Variants in PPHLN1 observed in about 807,000 individuals in gnomAD.
PPHLN1 encodes the protein periphilin-1.
A neutral mutation model predicts 51.3 loss-of-function variants in PPHLN1; 29 were observed. That is an observed-to-expected ratio of 0.57 (90% confidence interval 0.42 to 0.77). The LOEUF (loss-of-function observed/expected upper bound fraction) is 0.77, where lower values mean the gene tolerates loss of function less well. Among genes scored for constraint, PPHLN1 ranks in the 30% least tolerant of loss-of-function variants. The pLI is 0.00. For missense variants in PPHLN1, 436 were observed against 438.4 expected, an observed-to-expected ratio of 0.99 and a Z score of 0.05; for synonymous variants, 147 against 147.8, an observed-to-expected ratio of 0.99 and a Z score of 0.04.
chr12:42,437,630 G>A (rs1163083028), intron 9 of PPHLN1, among the ~76,000 whole-genome samples: 1 of 152,062 alleles, frequency 6.6e-6, no homozygotes, highest in African/African-American at 2.4e-5. Context: ...TTAACATTTT[G>A]CATTACTGTG....
At chr12:42,332,434 C>G (rs1279381924) in intron 1 of PPHLN1, among the ~76,000 whole-genome samples, 1 of 152,112 alleles carries the variant, frequency 6.6e-6, no homozygotes, top group Admixed American at 6.5e-5. Flanking sequence ...TGGCAAAATT[C>G]TAGACTAGAC....
chr12:42,439,879 A>G (rs2139989032), intron 9 of PPHLN1, among the ~76,000 whole-genome samples: 1 of 152,106 alleles, frequency 6.6e-6, no homozygotes, highest in East Asian at 1.9e-4. Context: ...TTTCTTCAAT[A>G]TTATATTCAT....
At chr12:42,393,098 A>C (rs1055478589) in intron 7 of PPHLN1, among the ~76,000 whole-genome samples, 1 of 152,206 alleles carries the variant, frequency 6.6e-6, no homozygotes, top group African/African-American at 2.4e-5. Flanking sequence ...TTTAAGTTTA[A>C]AAATTTTGTG....
chr12:42,383,932 T>C (rs2076968776), intron 5 of PPHLN1, among the ~76,000 whole-genome samples: 1 of 128,948 alleles, frequency 7.8e-6, no homozygotes. Flanking sequence ...TGCACTGAAC[T>C]GAGATCACGC....
At chr12:42,345,971 T>A (rs1273381201) in intron 2 of PPHLN1, among the ~76,000 whole-genome samples, 1 of 152,154 alleles carries the variant, frequency 6.6e-6, no homozygotes, top group Non-Finnish European at 1.5e-5. Flanking sequence ...CACAACATGA[T>A]GTTATGGGAT....
intron 9 of PPHLN1, among the ~76,000 whole-genome samples, chr12:42,436,809 C>CA (rs2139945212): frequency 6.6e-6 from 1 of 152,234 alleles, no homozygotes; most frequent in South Asian, 2.1e-4. Flanking sequence ...AGCAGGATGG[C>CA]ACAAGATCTC....
intron 9 of PPHLN1, among the ~76,000 whole-genome samples, chr12:42,438,431 G>C (rs1345854975): frequency 6.6e-6 from 1 of 152,124 alleles, no homozygotes; most frequent in East Asian, 1.9e-4. Context: ...TAGATGTGTA[G>C]TGGTATCTCA....
intron 9 of PPHLN1, among the ~76,000 whole-genome samples, chr12:42,407,076 C>G (rs1018473567): frequency 6.6e-6 from 1 of 152,136 alleles, no homozygotes; most frequent in Non-Finnish European, 1.5e-5. Flanking sequence ...ACAATACTAC[C>G]CCATCTTCAT....
intron 1 of PPHLN1, among the ~76,000 whole-genome samples, chr12:42,333,575 C>T (rs555092233): frequency 6.6e-5 from 10 of 152,042 alleles, no homozygotes; most frequent in Admixed American, 4.6e-4. Flanking sequence ...CTCCGCCTCC[C>T]GGGTTCATGC....
At chr12:42,334,742 A>G (rs1226450454) in intron 1 of PPHLN1, among the ~76,000 whole-genome samples, 2 of 152,204 alleles carry the variant, frequency 1.3e-5, no homozygotes, top group African/African-American at 4.8e-5. Flanking sequence ...TCTGTACATC[A>G]GGATGGTTCA....
chr12:42,354,198 T>G (rs563461999), intron 3 of PPHLN1, among the ~76,000 whole-genome samples: 10 of 152,332 alleles, frequency 6.6e-5, no homozygotes, highest in Admixed American at 6.5e-4. Flanking sequence ...AATTTGCATA[T>G]TGTATTATTC....
intron 4 of PPHLN1, among the ~76,000 whole-genome samples, chr12:42,372,028 C>A (rs1009469926): frequency 1.3e-5 from 2 of 151,724 alleles, no homozygotes; most frequent in African/African-American, 4.8e-5. Context: ...TGGTCCTCAC[C>A]CCCTCTCACC....
chr12:42,428,697 A>G (rs1450112300), intron 9 of PPHLN1, among the ~76,000 whole-genome samples: 2 of 152,124 alleles, frequency 1.3e-5, no homozygotes, highest in African/African-American at 2.4e-5. Flanking sequence ...TGATGAGTAC[A>G]CCAAAATCTC....
chr12:42,441,966 T>C lies in PPHLN1; in HGVS notation c.*457T>C. The stretch of plus-strand genomic sequence containing the variant: ...ATACTTTGGTATCTTAGAGAATATT[T>C]GCTTTGAGAGTAATTCTCATTCAAT... On this transcript the variant is annotated 3_prime_UTR_variant, in exon 10 of 10. Coordinates refer to ENST00000358314, the MANE Select transcript of PPHLN1 (RefSeq NM_201439.2). The C allele has an allele frequency of 1.0e-6, 1 of 962,820 alleles. No individual in the cohort carries two copies. The highest frequency in any genetic ancestry group is 1.2e-6 in the Non-Finnish European group (1 of 809,220). The allele number at this position is 962,820 out of a possible 1,614,324, so 59.6% of individuals were successfully genotyped here. A position where few individuals can be genotyped will look rare whatever the true frequency, so the allele number is the denominator to read the frequency against.
Position 42,441,341 on chromosome 12 carries a change from C to A in PPHLN1, c.936C>A (p.Phe312Leu). The A allele has an allele frequency of 6.2e-7, 1 of 1,612,016 alleles. No homozygotes were observed. The highest frequency in any genetic ancestry group is 8.5e-7 in the Non-Finnish European group (1 of 1,178,750). The change falls in exon 10 of 10, where the codon TTC (phenylalanine) becomes TTA (leucine). Residue 312 changes from phenylalanine to leucine, a missense_variant. Physicochemically the swap from Phe to Leu is conservative, Grantham distance 22. Coordinates refer to ENST00000358314, the MANE Select transcript of PPHLN1 (RefSeq NM_201439.2). ...TTTACCGACAAGACTGTGAAACTTTCGGGATGGTGGTGAAAATGCTGATTG... is the reference window on the plus strand; with the variant it reads ...TTTACCGACAAGACTGTGAAACTTTAGGGATGGTGGTGAAAATGCTGATTG... Reference protein sequence around the residue: ...EQVYRQDCETFGMVVKMLIEK... With the variant: ...EQVYRQDCETLGMVVKMLIEK...
At chr12:42,408,968 T>C (rs1418308644) in intron 9 of PPHLN1, among the ~76,000 whole-genome samples, 1 of 152,204 alleles carries the variant, frequency 6.6e-6, no homozygotes, top group Non-Finnish European at 1.5e-5. Context: ...ATTTTTCCTA[T>C]ACATACATAT....
chr12:42,429,342 A>G (rs1204190526), intron 9 of PPHLN1, among the ~76,000 whole-genome samples: 1 of 152,162 alleles, frequency 6.6e-6, no homozygotes, highest in African/African-American at 2.4e-5. Context: ...TTCTACCATA[A>G]GTTATTTTAA....
intron 3 of PPHLN1, among the ~76,000 whole-genome samples, chr12:42,352,914 C>T (rs2073558969): frequency 6.6e-6 from 1 of 151,798 alleles, no homozygotes; most frequent in Admixed American, 6.6e-5. Context: ...CATGGTGAAA[C>T]CCTGTCTCTA....
intron 4 of PPHLN1, among the ~76,000 whole-genome samples, chr12:42,363,232 CTG>C (rs1416484598): frequency 6.6e-6 from 1 of 152,168 alleles, no homozygotes; most frequent in African/African-American, 2.4e-5. Flanking sequence ...AGTATCATCA[CTG>C]TGTTTGTTCA....
Sources: allele counts gnomAD v4.1 joint callset (sites outside exome capture counted in the v4.1 genomes callset), GRCh38; gene constraint gnomAD v4.1.1; transcripts MANE v1.5; gene names NCBI Gene and HGNC (gene_info 2026-07-23, HGNC 2026-07-21).